Variants in XKR4 observed in about 807,000 individuals in gnomAD.
XKR4 encodes XK related 4.
A neutral mutation model predicts 53.9 loss-of-function variants in XKR4; 12 were observed. That is an observed-to-expected ratio of 0.22 (90% CI 0.14 to 0.36). The LOEUF is 0.36. Ranked by LOEUF, XKR4 falls within the 10% of genes least tolerant of loss-of-function variation. The probability of loss-of-function intolerance (pLI) is 1.00; values close to 1 mark genes in which losing one functional copy is unlikely to be tolerated. For synonymous variants in XKR4, 354 were observed against 362.4 expected (o/e 0.98, Z 0.26); for missense variants, 799 against 859.5 (o/e 0.93, Z 0.88).
intron 1 of XKR4, among the ~76,000 whole-genome samples, chr8:55,242,039 A>G (rs1818217231): frequency 6.6e-6 from 1 of 152,160 alleles, no homozygotes; most frequent in Non-Finnish European, 1.5e-5. Flanking sequence ...AAAATAATAA[A>G]CCCTTTTATT....
intron 1 of XKR4, among the ~76,000 whole-genome samples, chr8:55,211,455 A>G (rs963482970): frequency 6.6e-6 from 1 of 152,224 alleles, no homozygotes; most frequent in Admixed American, 6.5e-5. Flanking sequence ...GGAATGTCCT[A>G]CGTTAGGAAG....
At chr8:55,442,426 C>T (rs1028827137) in intron 2 of XKR4, among the ~76,000 whole-genome samples, 1 of 152,152 alleles carries the variant, frequency 6.6e-6, no homozygotes, top group African/African-American at 2.4e-5. Flanking sequence ...GTTTGAAACA[C>T]AGTTCCTCAA....
intron 2 of XKR4, among the ~76,000 whole-genome samples, chr8:55,517,991 A>T (rs1237511123): frequency 3.3e-5 from 5 of 152,214 alleles, no homozygotes; most frequent in Non-Finnish European, 1.5e-5. Context: ...AGTTTCTCTG[A>T]GAGTGCAAAC....
At chr8:55,168,510 C>T (rs1445301757) in intron 1 of XKR4, among the ~76,000 whole-genome samples, 1 of 152,148 alleles carries the variant, frequency 6.6e-6, no homozygotes, top group South Asian at 2.1e-4. Flanking sequence ...CTTTGAGTAT[C>T]GGGTAAGTCA....
At chr8:55,338,380 A>T (rs996783301) in intron 1 of XKR4, among the ~76,000 whole-genome samples, 2 of 152,198 alleles carry the variant, frequency 1.3e-5, no homozygotes, top group Non-Finnish European at 2.9e-5. Context: ...TTGTGGTTCC[A>T]GGGCACCAGA....
intron 2 of XKR4, among the ~76,000 whole-genome samples, chr8:55,505,909 C>T (rs1806519744): frequency 6.6e-6 from 1 of 152,160 alleles, no homozygotes. Flanking sequence ...AGGCCATGTC[C>T]ATCATGACAC....
intron 1 of XKR4, among the ~76,000 whole-genome samples, chr8:55,207,902 C>T (rs8180956): frequency 0.22 from 33,684 of 152,042 alleles, 3,845 homozygotes; most frequent in East Asian, 0.27. Flanking sequence ...CCTCAACTCC[C>T]CTTGTTACAA....
chr8:55,439,621 G>A (rs2658927), intron 2 of XKR4, among the ~76,000 whole-genome samples: 23,571 of 151,852 alleles, frequency 0.16, 2,226 homozygotes, highest in East Asian at 0.37. Flanking sequence ...ATTAGATATA[G>A]CCAAAGAAGT....
In XKR4 at chr8:55,206,200, C is replaced by T. The variant is rs189491344; in HGVS notation, c.806+102906C>T. Among the ~76,000 whole-genome samples, 62 of 152,274 alleles carry T rather than the reference C, an allele frequency of 4.1e-4. 3 individuals are homozygous for T. The South Asian group carries it at 8.5e-3, about 21-fold the overall frequency. On this transcript the variant is annotated intron_variant, in intron 1 of 2. Transcript: ENST00000327381. ...AACCTTCCACACCATGGAAGGGGGC[C>T]GGAGCGGGTTGCCACTGGGGCTGGG...
chr8:55,500,123 G>A (rs2929016), intron 2 of XKR4, among the ~76,000 whole-genome samples: 3 of 147,196 alleles, frequency 2.0e-5, no homozygotes, highest in East Asian at 2.0e-4. Context: ...GGAAGGGCAC[G>A]ATGAGGAGCA....
chr8:55,316,371 G>C (rs542009209), intron 1 of XKR4, among the ~76,000 whole-genome samples: 46 of 152,234 alleles, frequency 3.0e-4, no homozygotes, highest in African/African-American at 1.0e-3. Context: ...CATGATTCCT[G>C]GTATGTAGCG....
chr8:55,245,538 A>C (rs989724304), intron 1 of XKR4, among the ~76,000 whole-genome samples: 5 of 152,154 alleles, frequency 3.3e-5, no homozygotes, highest in Non-Finnish European at 7.3e-5. Flanking sequence ...CACTGATTGC[A>C]TCGCTGTTTT....
intron 2 of XKR4, among the ~76,000 whole-genome samples, chr8:55,459,641 C>A (rs560794477): frequency 4.5e-4 from 68 of 151,512 alleles, no homozygotes; most frequent in Non-Finnish European, 5.5e-4. Context: ...CTAAAAAAAA[C>A]CAAAAACACA....
intron 1 of XKR4, among the ~76,000 whole-genome samples, chr8:55,241,160 G>A (rs977567215): frequency 1.3e-5 from 2 of 152,130 alleles, no homozygotes; most frequent in Admixed American, 1.3e-4. Context: ...TTTATTCCTA[G>A]CCCATCAAGT....
intron 1 of XKR4, among the ~76,000 whole-genome samples, chr8:55,251,100 C>T (rs1305854679): frequency 6.6e-6 from 1 of 152,074 alleles, no homozygotes; most frequent in African/African-American, 2.4e-5. Context: ...TAGGCATAGG[C>T]GTAGACGTAA....
intron 2 of XKR4, among the ~76,000 whole-genome samples, chr8:55,521,504 T>C (rs1806797705): frequency 6.6e-6 from 1 of 152,228 alleles, no homozygotes; most frequent in Non-Finnish European, 1.5e-5. Context: ...CTCTGACCTA[T>C]AAATAGCACC....
chr8:55,219,405 G>T (rs1184816234), intron 1 of XKR4, among the ~76,000 whole-genome samples: 1 of 152,144 alleles, frequency 6.6e-6, no homozygotes, highest in African/African-American at 2.4e-5. Context: ...GTGTAACTGA[G>T]CTCTGCACAG....
intron 1 of XKR4, among the ~76,000 whole-genome samples, chr8:55,309,229 G>C (rs937290304): frequency 2.0e-5 from 3 of 152,138 alleles, no homozygotes; most frequent in African/African-American, 7.2e-5. Flanking sequence ...ACACTACTTA[G>C]CAATAGAAAA....
intron 1 of XKR4, among the ~76,000 whole-genome samples, chr8:55,250,205 A>T (rs1339329416): frequency 6.6e-6 from 1 of 152,242 alleles, no homozygotes; most frequent in Non-Finnish European, 1.5e-5. Context: ...CGAGACAGCT[A>T]AAGGATAGCT....
Sources: allele counts gnomAD v4.1 joint callset (sites outside exome capture counted in the v4.1 genomes callset), GRCh38; gene constraint gnomAD v4.1.1; transcripts MANE v1.5; gene names NCBI Gene and HGNC (gene_info 2026-07-23, HGNC 2026-07-21).